Variants in CYP2F1 observed in about 807,000 individuals in gnomAD.
CYP2F1 encodes cytochrome P450 2F1.
In CYP2F1, 33 loss-of-function variants were observed where a neutral mutation model predicts 40.4. The observed-to-expected ratio is 0.82, with a 90% CI of 0.62 to 1.09. The LOEUF (loss-of-function observed/expected upper bound fraction) is 1.09, where lower values mean the gene tolerates loss of function less well. CYP2F1 is among the 50% of genes least tolerant of loss of function. The pLI, the probability that CYP2F1 is intolerant of heterozygous loss-of-function variation, is 0.00. For missense variants in CYP2F1, 566 were observed against 655.7 expected, an observed-to-expected ratio of 0.86 and a Z score of 1.49; for synonymous variants, 235 against 277.2, an observed-to-expected ratio of 0.85 and a Z score of 1.51.
intron 9 of CYP2F1, among the ~76,000 whole-genome samples, chr19:41,127,271 T>TA (rs1310192483): frequency 6.6e-6 from 1 of 152,208 alleles, no homozygotes; most frequent in Non-Finnish European, 1.5e-5. Flanking sequence ...GTAAGCTACT[T>TA]ACAGCCTCAC....
chr19:41,119,784 C>CAT (rs1469825502), intron 3 of CYP2F1, among the ~76,000 whole-genome samples: 3 of 117,030 alleles, frequency 2.6e-5, no homozygotes, highest in Admixed American at 9.5e-5. Context: ...CACACACACA[C>CAT]ATATATATTA....
At chr19:41,119,683 GTCTCTCTCTCTCTCTC>G (rs1159535426) in intron 3 of CYP2F1, among the ~76,000 whole-genome samples, 88 of 13,388 alleles carry the variant, frequency 6.6e-3, no homozygotes, top group African/African-American at 0.022. Flanking sequence ...GCAAGACTCC[GTCTCTCTCTCTCTCTC>G]TCTCTCTCTC....
At chr19:41,125,959 C>A in intron 9 of CYP2F1, 1 of 478,922 alleles carries the variant, frequency 2.1e-6, no homozygotes, top group South Asian at 1.9e-5. Flanking sequence ...ATGGTGAAAC[C>A]CTGTCTCTAC....
At chr19:41,121,276 G>A (rs2032183251) in intron 4 of CYP2F1, among the ~76,000 whole-genome samples, 182 bp from the exon 5 acceptor site, 1 of 151,328 alleles carries the variant, frequency 6.6e-6, no homozygotes, top group South Asian at 2.1e-4. Flanking sequence ...TGCCGTCTGT[G>A]GCATTGACAG....
intron 3 of CYP2F1, among the ~76,000 whole-genome samples, chr19:41,119,723 C>CTCTCTATATA (rs1478574507): frequency 5.3e-4 from 19 of 35,796 alleles, no homozygotes; most frequent in South Asian, 1.4e-3. Context: ...CTCTCTCTCT[C>CTCTCTATATA]TATATATATA....
Position 41,125,124 on chromosome 19 carries a change from C to A in CYP2F1, c.1152+218C>A, listed in dbSNP as rs1175992567. ...ATCATAGTGGACTAGACCCCTTCAC[C>A]ATGACAAATCCCCTTCCTAGAACCC... On this transcript the variant is annotated intron_variant, in intron 8 of 9. Coordinates refer to ENST00000331105, the MANE Select transcript of CYP2F1 (RefSeq NM_000774.5). 5.1e-5 allele frequency: 29 copies of A among 571,460 alleles called. No individual in the cohort carries two copies. In the East Asian group the frequency reaches 8.5e-4, roughly 17 times the overall value. The allele number at this position is 571,460 out of a possible 1,614,324, so 35.4% of individuals were successfully genotyped here.
intron 4 of CYP2F1, among the ~76,000 whole-genome samples, chr19:41,120,826 C>CT (rs111358090): frequency 0.094 from 13,786 of 147,048 alleles, 761 homozygotes; most frequent in Admixed American, 0.16. Flanking sequence ...ATCCATTCTA[C>CT]TTTTTTTTTT....
intron 6 of CYP2F1, among the ~76,000 whole-genome samples, chr19:41,122,499 CACATACAT>C (rs1005156196): frequency 6.6e-6 from 1 of 151,850 alleles, no homozygotes; most frequent in Non-Finnish European, 1.5e-5. Context: ...CATACACACA[CACATACAT>C]ACATACATAC....
rs567780189 is a variant in CYP2F1 at position 41,128,132 on chromosome 19, G to A, written c.*50G>A. 2.4e-5 allele frequency: 37 copies of A among 1,540,408 alleles called. 1 individual carries two copies. In the East Asian group the frequency reaches 4.1e-4, roughly 17 times the overall value. On this transcript the variant is annotated 3_prime_UTR_variant, in exon 10 of 10. Transcript: ENST00000331105. ...TGTGAGCGATGAGGCCCGCCCATGCGGGTTGCTACGTCCCCTTCTTGGTCC... is the reference window on the plus strand; with the variant it reads ...TGTGAGCGATGAGGCCCGCCCATGCAGGTTGCTACGTCCCCTTCTTGGTCC...
chr19:41,119,596 G>A (rs898861859), intron 3 of CYP2F1, among the ~76,000 whole-genome samples: 33 of 151,710 alleles, frequency 2.2e-4, no homozygotes, highest in African/African-American at 8.0e-4. Flanking sequence ...GGCTGAGGCA[G>A]AAGAATTGCT....
At chr19:41,115,951 C>A (rs1408980841) in intron 1 of CYP2F1, among the ~76,000 whole-genome samples, 2 of 151,882 alleles carry the variant, frequency 1.3e-5, no homozygotes, top group Non-Finnish European at 2.9e-5. Flanking sequence ...CTATCACTTG[C>A]CTCTCTCCAT....
rs747663480 is a variant in CYP2F1, at chr19:41,125,718, C to T, written c.1294+84C>T. The T allele has an allele frequency of 8.2e-5, 132 of 1,613,806 alleles. No homozygotes were observed. In the East Asian group the frequency reaches 2.3e-3, roughly 28 times the overall value. ...TTCCACTTGCCAAATCCTCTCACTC[C>T]TTCCTTCCACCCATTCTCAGCTTTG... On this transcript the variant is annotated intron_variant, in intron 9 of 9. Coordinates refer to ENST00000331105, the MANE Select transcript of CYP2F1 (RefSeq NM_000774.5).
rs780756537 is a variant in CYP2F1 at position 41,122,929 on chromosome 19, C to T, written c.930C>T (p.Ala310=). The T allele has an allele frequency of 6.2e-7, 1 of 1,613,108 alleles. No homozygotes were observed. Among genetic ancestry groups the T allele is most frequent in the Non-Finnish European group, 8.5e-7 (1 of 1,179,444 alleles). Residue 310 remains alanine (A), a synonymous_variant, in exon 7 of 10, where the codon GCC becomes GCT. Coordinates refer to ENST00000331105, the MANE Select transcript of CYP2F1 (RefSeq NM_000774.5). ...TKTVSTTLHH[A]FLALMKYPKV... ...CGGTGAGCACCACGCTGCACCACGC[C>T]TTCCTGGCACTCATGAAGTACCCAA...
chr19:41,122,527 T>TACAC (rs201480487), intron 6 of CYP2F1, among the ~76,000 whole-genome samples: 2 of 151,060 alleles, frequency 1.3e-5, no homozygotes, highest in East Asian at 3.9e-4. Context: ...CACACACACA[T>TACAC]ACACACATAC....
chr19:41,125,699 T>G (rs1201044653), intron 9 of CYP2F1, 65 bp downstream of exon 9: 1 of 1,613,986 alleles, frequency 6.2e-7, no homozygotes, highest in Non-Finnish European at 8.5e-7. Context: ...CTAATTCCAC[T>G]TGCCAAATCC....
Position 41,121,669 on chromosome 19 carries a change from G to A in CYP2F1, c.645+51G>A, listed in dbSNP as rs1437354535. The A allele has an allele frequency of 3.3e-6, 5 of 1,511,452 alleles. 1 individual carries two copies. In the African/African-American group the frequency reaches 7.4e-5, roughly 22 times the overall value. The allele number at this position is 1,511,452 out of a possible 1,614,324, so 93.6% of individuals were successfully genotyped here. On this transcript the variant is annotated intron_variant, in intron 5 of 9. Transcript: ENST00000331105. ...CAGGGTGTGGGGTCCGCAGGATCTA[G>A]GAATGGAGAGGAAACAGTGGGCGGG...
intron 3 of CYP2F1, 122 bp downstream of exon 3, chr19:41,116,739 C>T: frequency 1.8e-6 from 2 of 1,115,792 alleles, no homozygotes; most frequent in Non-Finnish European, 1.3e-6. Context: ...CTGATGACAC[C>T]AAATGCAATG....
chr19:41,126,082 G>T (rs1428304991), intron 9 of CYP2F1, among the ~76,000 whole-genome samples: 1 of 146,108 alleles, frequency 6.8e-6, no homozygotes, highest in Non-Finnish European at 1.5e-5. Flanking sequence ...GCAGTGAGCC[G>T]AGATTGCACC....
intron 6 of CYP2F1, among the ~76,000 whole-genome samples, 173 bp downstream of exon 6, chr19:41,122,306 A>T (rs188675579): frequency 1.3e-5 from 2 of 151,964 alleles, no homozygotes; most frequent in Admixed American, 6.6e-5. Context: ...AGCCACCGCC[A>T]ACTTACAGCT....
Sources: gnomAD v4.1 joint callset for allele counts (sites outside exome capture counted in the v4.1 genomes callset) on GRCh38, gnomAD v4.1.1 for gene constraint, MANE v1.5 for transcripts, NCBI Gene and HGNC (gene_info 2026-07-23, HGNC 2026-07-21) for gene names.